The following BTBD9 variants were observed in gnomAD, a reference collection of about 807,000 sequenced individuals.
The protein encoded by BTBD9 is BTB/POZ domain-containing protein 9.
Under a neutral mutation model 64.3 loss-of-function variants are expected in BTBD9, and 49 were observed. The ratio of observed to expected loss-of-function variants is 0.76; its 90% confidence interval spans 0.61 to 0.97. The LOEUF (loss-of-function observed/expected upper bound fraction) is 0.97. Ranked by LOEUF, BTBD9 falls within the 50% of genes least tolerant of loss-of-function variation. BTBD9 has a pLI of 0.00. For synonymous variants in BTBD9, 260 were observed against 274.7 expected (o/e 0.95, Z 0.53); for missense variants, 598 against 762.1 (o/e 0.78, Z 2.53).
chr6:38,191,489 C>G (rs1762072014), intron 10 of BTBD9, among the ~76,000 whole-genome samples: 1 of 152,256 alleles, frequency 6.6e-6, no homozygotes, highest in Non-Finnish European at 1.5e-5. Flanking sequence ...TTATTTGCTA[C>G]TTAATGTTGT....
intron 9 of BTBD9, among the ~76,000 whole-genome samples, chr6:38,228,605 G>C (rs1192387369): frequency 6.6e-6 from 1 of 152,068 alleles, no homozygotes; most frequent in Non-Finnish European, 1.5e-5. Flanking sequence ...GCTGGGCACG[G>C]TGGCTCATGC....
chr6:38,424,838 A>T (rs990825317), intron 6 of BTBD9, among the ~76,000 whole-genome samples: 9 of 148,130 alleles, frequency 6.1e-5, no homozygotes, highest in African/African-American at 1.3e-4. Flanking sequence ...TTTTATTTTT[A>T]TTATTATTAT....
chr6:38,550,258 C>A (rs1315359038), intron 6 of BTBD9, among the ~76,000 whole-genome samples: 1 of 152,068 alleles, frequency 6.6e-6, no homozygotes, highest in Non-Finnish European at 1.5e-5. Context: ...ATAGTTCTAT[C>A]CTTTCAGTTG....
At chr6:38,352,824 C>A (rs900780925) in intron 6 of BTBD9, among the ~76,000 whole-genome samples, 14 of 152,230 alleles carry the variant, frequency 9.2e-5, no homozygotes, top group African/African-American at 3.4e-4. Flanking sequence ...CTCTTCCCAA[C>A]TCATGATCAC....
At chr6:38,397,049 G>A (rs1006366552) in intron 6 of BTBD9, among the ~76,000 whole-genome samples, 11 of 151,690 alleles carry the variant, frequency 7.3e-5, no homozygotes, top group Non-Finnish European at 4.4e-5. Flanking sequence ...TTACAGGTGT[G>A]CACCACCCCA....
chr6:38,223,982 G>A (rs779583432), intron 9 of BTBD9, among the ~76,000 whole-genome samples: 24 of 152,148 alleles, frequency 1.6e-4, no homozygotes, highest in Non-Finnish European at 3.2e-4. Flanking sequence ...GGAGGCCAAA[G>A]CAGGCTGACT....
intron 9 of BTBD9, among the ~76,000 whole-genome samples, chr6:38,231,445 T>C (rs1278631077): frequency 2.0e-5 from 3 of 152,236 alleles, no homozygotes; most frequent in African/African-American, 7.2e-5. Flanking sequence ...GAGTTGCTGC[T>C]TAATCAGATA....
At position 38,173,041 on chromosome 6, in the gene BTBD9, A is replaced by C. The variant is rs1766859843; in HGVS notation, c.*1944T>G. On this transcript the variant is annotated 3_prime_UTR_variant, in exon 11 of 11. Transcript: ENST00000481247. Reference sequence around the variant, plus strand: ...AAGGGCCTCTGGGCAGGTGATGCCCATGTTTAAAAAGAAGCATGTGAATGG... The same window carrying C: ...AAGGGCCTCTGGGCAGGTGATGCCCCTGTTTAAAAAGAAGCATGTGAATGG... 1 of 152,290 alleles carries C rather than the reference A, an allele frequency of 6.6e-6. No individual in the cohort carries two copies. The highest frequency in any genetic ancestry group is 1.5e-5 in the Non-Finnish European group (1 of 68,060). The allele number at this position is 152,290 out of a possible 1,614,324, so 9.4% of individuals were successfully genotyped here. A position where few individuals can be genotyped will look rare whatever the true frequency, so the allele number is the denominator to read the frequency against.
At chr6:38,238,432 G>A (rs2127522406) in intron 9 of BTBD9, among the ~76,000 whole-genome samples, 1 of 151,490 alleles carries the variant, frequency 6.6e-6, no homozygotes, top group Non-Finnish European at 1.5e-5. Flanking sequence ...CAACAGAAAG[G>A]AATGTATGCT....
chr6:38,291,134 C>G (rs1582174147), intron 7 of BTBD9, among the ~76,000 whole-genome samples: 2 of 152,168 alleles, frequency 1.3e-5, no homozygotes, highest in Admixed American at 1.3e-4. Context: ...TTAACTTCAA[C>G]TTCCCTAGAT....
At chr6:38,331,111 A>G (rs1562034903) in intron 7 of BTBD9, among the ~76,000 whole-genome samples, 2 of 152,274 alleles carry the variant, frequency 1.3e-5, no homozygotes, top group Non-Finnish European at 2.9e-5. Context: ...GGTAACTAAC[A>G]GGGTGAGAGA....
chr6:38,347,689 A>G (rs931556683), intron 6 of BTBD9, among the ~76,000 whole-genome samples: 5 of 152,216 alleles, frequency 3.3e-5, no homozygotes, highest in Non-Finnish European at 5.9e-5. Context: ...GACTGGTAGG[A>G]GCAGCCTGAA....
intron 6 of BTBD9, among the ~76,000 whole-genome samples, chr6:38,483,090 T>C (rs374598244): frequency 2.0e-5 from 3 of 151,824 alleles, no homozygotes; most frequent in South Asian, 2.1e-4. Context: ...CACACACACA[T>C]ACCTTAACAT....
At chr6:38,571,873 T>C (rs966312676) in intron 6 of BTBD9, 9 of 152,108 alleles carry the variant, frequency 5.9e-5, no homozygotes, top group African/African-American at 2.2e-4. Context: ...GGTAGAAGAA[T>C]CATTTGAGCC....
intron 9 of BTBD9, among the ~76,000 whole-genome samples, chr6:38,213,072 T>A (rs1050150591): frequency 2.0e-5 from 3 of 151,812 alleles, no homozygotes; most frequent in Non-Finnish European, 4.4e-5. Flanking sequence ...CAAAAGCCCA[T>A]GCAAAACAAA....
At chr6:38,565,256 G>A (rs1380885715) in intron 6 of BTBD9, among the ~76,000 whole-genome samples, 2 of 151,970 alleles carry the variant, frequency 1.3e-5, no homozygotes, top group African/African-American at 2.4e-5. Context: ...CAACCTTGAC[G>A]CTATTGACAT....
chr6:38,545,147 G>A (rs1258942733), intron 6 of BTBD9, among the ~76,000 whole-genome samples: 1 of 151,636 alleles, frequency 6.6e-6, no homozygotes, highest in Non-Finnish European at 1.5e-5. Context: ...GCTGGAGTGT[G>A]GAGGCGCAAT....
At chr6:38,356,329 T>C (rs1180873035) in intron 6 of BTBD9, among the ~76,000 whole-genome samples, 1 of 152,162 alleles carries the variant, frequency 6.6e-6, no homozygotes, top group African/African-American at 2.4e-5. Flanking sequence ...TTTTTCTTTA[T>C]GAAACTCTTA....
intron 6 of BTBD9, among the ~76,000 whole-genome samples, chr6:38,439,033 G>T (rs896674293): frequency 1.3e-5 from 2 of 150,954 alleles, no homozygotes; most frequent in African/African-American, 4.9e-5. Context: ...AAACAAGGAA[G>T]AGAGTATAGT....
Sources: allele counts gnomAD v4.1 joint callset (sites outside exome capture counted in the v4.1 genomes callset), GRCh38; gene constraint gnomAD v4.1.1; transcripts MANE v1.5; gene names NCBI Gene and HGNC (gene_info 2026-07-23, HGNC 2026-07-21).